The following L1TD1 variants were observed in gnomAD, a reference collection of about 807,000 sequenced individuals.
L1TD1 encodes the protein LINE1 type transposase domain containing 1.
In L1TD1, 26 loss-of-function variants were observed where a neutral mutation model predicts 25.7. The observed-to-expected ratio is 1.01, with a 90% CI of 0.74 to 1.40. The LOEUF is 1.40. Among genes scored for constraint, L1TD1 ranks in the 40% most tolerant of loss-of-function variants. L1TD1 has a pLI of 0.00. For synonymous variants in L1TD1, 421 were observed against 335.6 expected (o/e 1.25, Z -2.78); for missense variants, 1,130 against 975.0 (o/e 1.16, Z -2.12).
At position 62,210,712 on chromosome 1, in the gene L1TD1, A is replaced by G; in HGVS notation, c.1938A>G (p.Glu646=). 6.4e-7 allele frequency: 1 copy of G among 1,551,932 alleles called. No individual in the cohort carries two copies. Among genetic ancestry groups the G allele is most frequent in the South Asian group, 1.2e-5 (1 of 84,102 alleles). The change falls in exon 4 of 4, where the codon GAA becomes GAG. Residue 646 remains glutamate (E), a synonymous_variant. Transcript: ENST00000498273. ...CCCATTCAGGTGTCTTGGAAATTGA[A>G]AATTCAGTAGATGATCTGAGTAGCA... ...KSSHSGVLEI[E]NSVDDLSSRM...
Position 62,211,471 on chromosome 1 carries a change from C to G in L1TD1, c.*99C>G. 8 of 1,494,016 alleles carry G rather than the reference C, an allele frequency of 5.4e-6. No homozygotes were observed. Among genetic ancestry groups the G allele is most frequent in the Non-Finnish European group, 7.1e-6 (8 of 1,128,444 alleles). 92.5% of individuals were successfully genotyped at this position (1,494,016 alleles called of 1,614,324 possible). On this transcript the variant is annotated 3_prime_UTR_variant, in exon 4 of 4. Transcript: ENST00000498273. ...ATACACTTCTACCCAGAAGGATGGA[C>G]AGCTAATAGCGTACTTGGGGATGAG...
intron 1 of L1TD1, among the ~76,000 whole-genome samples, chr1:62,196,030 C>A (rs1430742723): frequency 1.1e-5 from 1 of 94,900 alleles, no homozygotes; most frequent in Admixed American, 1.3e-4. Context: ...GAGCGAAACT[C>A]CGTCTCAAAA....
chr1:62,211,761 C>T lies in L1TD1; in HGVS notation c.*389C>T, dbSNP rs144180048. The T allele has an allele frequency of 1.4e-3, 216 of 158,902 alleles. No homozygotes were observed. The highest frequency in any genetic ancestry group is 4.8e-3 in the African/African-American group (198 of 41,492). The allele number at this position is 158,902 out of a possible 1,614,324, so 9.8% of individuals were successfully genotyped here. A position where few individuals can be genotyped will look rare whatever the true frequency, so the allele number is the denominator to read the frequency against. ...CGGGTGGATCACGAGGTCAGGAGAT[C>T]GAGACCATCCTGGCTAACACAGTGA... On this transcript the variant is annotated 3_prime_UTR_variant, in exon 4 of 4. Coordinates refer to ENST00000498273, the MANE Select transcript of L1TD1 (RefSeq NM_019079.5).
intron 2 of L1TD1, among the ~76,000 whole-genome samples, chr1:62,204,815 C>T (rs1670704681): frequency 6.6e-6 from 1 of 152,074 alleles, no homozygotes; most frequent in African/African-American, 2.4e-5. Flanking sequence ...CACACTGTCA[C>T]CCAGGCTGGA....
chr1:62,196,884 G>C (rs1443231112), intron 2 of L1TD1, among the ~76,000 whole-genome samples: 1 of 151,710 alleles, frequency 6.6e-6, no homozygotes, highest in African/African-American at 2.4e-5. Context: ...GAGTCACTGC[G>C]CCTGGACTGG....
intron 2 of L1TD1, among the ~76,000 whole-genome samples, chr1:62,200,964 G>A (rs977421497): frequency 1.3e-5 from 2 of 151,010 alleles, no homozygotes; most frequent in Admixed American, 6.6e-5. Context: ...AGTCTTGCTC[G>A]CTCTGTTGCC....
At chr1:62,206,372 T>G in intron 2 of L1TD1, 147 bp from the exon 3 acceptor site, 1 of 216,298 alleles carries the variant, frequency 4.6e-6, no homozygotes, top group Non-Finnish European at 9.0e-6. Context: ...AATTCTAATT[T>G]TCTAATCTTA....
rs776310502 is a variant in L1TD1, at chr1:62,210,447, C to T, written c.1673C>T (p.Pro558Leu). Residue 558 changes from proline to leucine, a missense_variant, in exon 4 of 4, where the codon CCC becomes CTC. Coordinates refer to ENST00000498273, the MANE Select transcript of L1TD1 (RefSeq NM_019079.5). The part of the protein sequence containing the change: ...TPCLTLCLAS[P>L]SKSLEMSHDE... The stretch of plus-strand genomic sequence containing the variant: ...TGTCTGACCTTATGTTTGGCCTCTC[C>T]CTCAAAGTCACTAGAGATGAGTCAT... 6.2e-6 allele frequency: 10 copies of T among 1,613,976 alleles called. No individual in the cohort carries two copies. The highest frequency in any genetic ancestry group is 3.3e-5 in the Admixed American group (2 of 59,982).
intron 2 of L1TD1, among the ~76,000 whole-genome samples, chr1:62,197,397 T>TTTTA (rs1269544269): frequency 9.9e-5 from 8 of 80,844 alleles, no homozygotes; most frequent in East Asian, 1.7e-3. Context: ...AAAAAATAAA[T>TTTTA]TATATATATA....
intron 3 of L1TD1, 105 bp downstream of exon 3, chr1:62,207,741 T>G: frequency 3.7e-6 from 5 of 1,338,304 alleles, no homozygotes; most frequent in Non-Finnish European, 4.9e-6. Flanking sequence ...AGATGGAGTT[T>G]CGCTCTTGTC....
At chr1:62,209,234 C>T (rs1312034749) in intron 3 of L1TD1, among the ~76,000 whole-genome samples, 1 of 150,906 alleles carries the variant, frequency 6.6e-6, no homozygotes, top group African/African-American at 2.4e-5. Context: ...TATTCCTAAC[C>T]AAAGCCTGCT....
intron 2 of L1TD1, among the ~76,000 whole-genome samples, chr1:62,198,757 C>T (rs1167453167): frequency 6.7e-6 from 1 of 150,214 alleles, no homozygotes; most frequent in Non-Finnish European, 1.5e-5. Context: ...CGGTGCTCTC[C>T]TGTATTGTAT....
intron 2 of L1TD1, among the ~76,000 whole-genome samples, 181 bp from the exon 3 acceptor site, chr1:62,206,338 T>G (rs1210164786): frequency 1.3e-5 from 2 of 149,558 alleles, no homozygotes; most frequent in African/African-American, 4.9e-5. Flanking sequence ...TAAAGGGAAT[T>G]TTCATGATAA....
chr1:62,203,343 T>A (rs1670678065), intron 2 of L1TD1, among the ~76,000 whole-genome samples: 1 of 152,144 alleles, frequency 6.6e-6, no homozygotes. Context: ...AATACTAGAT[T>A]ATTTTTGTAC....
chr1:62,204,206 A>AT (rs1557442741), intron 2 of L1TD1, among the ~76,000 whole-genome samples: 1 of 152,024 alleles, frequency 6.6e-6, no homozygotes, highest in Non-Finnish European at 1.5e-5. Flanking sequence ...TTAATTCTCT[A>AT]TAAGTTTCTG....
At chr1:62,196,177 A>G (rs890733971) in intron 1 of L1TD1, among the ~76,000 whole-genome samples, 2 of 152,186 alleles carry the variant, frequency 1.3e-5, no homozygotes, top group African/African-American at 4.8e-5. Flanking sequence ...TGCCTTCCAT[A>G]ATAATAGACC....
At position 62,211,456 on chromosome 1, in the gene L1TD1, A is replaced by C. The variant is rs1222779875; in HGVS notation, c.*84A>C. ...ACAAGTAAAACGAAAATACACTTCT[A>C]CCCAGAAGGATGGACAGCTAATAGC... On this transcript the variant is annotated 3_prime_UTR_variant, in exon 4 of 4. Transcript: ENST00000498273. 12 of 1,510,174 alleles carry C rather than the reference A, an allele frequency of 7.9e-6. No homozygotes were observed. The highest frequency in any genetic ancestry group is 1.4e-5 in the South Asian group (1 of 72,980). 93.5% of individuals were successfully genotyped at this position (1,510,174 alleles called of 1,614,324 possible).
At chr1:62,199,439 A>G (rs1192356639) in intron 2 of L1TD1, among the ~76,000 whole-genome samples, 1 of 151,198 alleles carries the variant, frequency 6.6e-6, no homozygotes, top group Non-Finnish European at 1.5e-5. Context: ...CAGAGTTTGC[A>G]GTGAGCCAAG....
intron 2 of L1TD1, 128 bp downstream of exon 2, chr1:62,196,656 C>T (rs887459291): frequency 2.0e-5 from 3 of 152,122 alleles, no homozygotes; most frequent in South Asian, 2.1e-4. Context: ...GCAATGGTGC[C>T]ATCTCCGCTC....
Sources: allele counts gnomAD v4.1 joint callset (sites outside exome capture counted in the v4.1 genomes callset), GRCh38; gene constraint gnomAD v4.1.1; transcripts MANE v1.5; gene names NCBI Gene and HGNC (gene_info 2026-07-23, HGNC 2026-07-21).